Variants in ZFYVE28 observed in about 807,000 individuals in gnomAD.
ZFYVE28 encodes lateral signaling target protein 2 homolog.
Under a neutral mutation model 82.1 loss-of-function variants are expected in ZFYVE28, and 40 were observed. That is an observed-to-expected ratio of 0.49 (90% CI 0.38 to 0.63). ZFYVE28 has a LOEUF of 0.63. Among genes scored for constraint, ZFYVE28 ranks in the 30% least tolerant of loss-of-function variants. ZFYVE28 has a pLI of 0.00. For missense variants in ZFYVE28, 1,321 were observed against 1,242.1 expected (o/e 1.06, Z -0.96); for synonymous variants, 612 against 546.1 (o/e 1.12, Z -1.68).
intron 1 of ZFYVE28, among the ~76,000 whole-genome samples, chr4:2,393,109 G>A (rs1422963646): frequency 6.6e-6 from 1 of 152,174 alleles, no homozygotes; most frequent in Admixed American, 6.5e-5. Context: ...TATTGATCAT[G>A]GCCAGTCAAT....
chr4:2,307,616 G>A (rs914977875), intron 7 of ZFYVE28, among the ~76,000 whole-genome samples: 1 of 151,904 alleles, frequency 6.6e-6, no homozygotes, highest in Non-Finnish European at 1.5e-5. Context: ...CTGAGCAGCT[G>A]GTACTACAGG....
chr4:2,405,441 G>A (rs1452026332), intron 1 of ZFYVE28, among the ~76,000 whole-genome samples: 1 of 152,280 alleles, frequency 6.6e-6, no homozygotes, highest in Admixed American at 6.5e-5. Flanking sequence ...CAGATCGACT[G>A]TGCTGATGGT....
intron 8 of ZFYVE28, among the ~76,000 whole-genome samples, chr4:2,296,965 G>A (rs562111410): frequency 9.2e-5 from 14 of 152,310 alleles, no homozygotes; most frequent in African/African-American, 2.2e-4. Context: ...CCCTGACTGC[G>A]CTGCAGGGAG....
intron 2 of ZFYVE28, among the ~76,000 whole-genome samples, chr4:2,343,900 C>G (rs573402648): frequency 6.6e-6 from 1 of 152,208 alleles, no homozygotes; most frequent in East Asian, 1.9e-4. Flanking sequence ...GTGCCTAGAA[C>G]AGTGCCTCAC....
At position 2,320,132 on chromosome 4, in the gene ZFYVE28, C is replaced by A; in HGVS notation, c.803+38G>T. 1 of 1,578,076 alleles carries A rather than the reference C, an allele frequency of 6.3e-7. No individual in the cohort carries two copies. Among genetic ancestry groups the A allele is most frequent in the Non-Finnish European group, 8.7e-7 (1 of 1,148,916 alleles). ...AGCGCCCACCTGTGGCCCTCCTGTC[C>A]CCCTCCCCTCCCCCACCTCCTCTAG... On this transcript the variant is annotated intron_variant, in intron 7 of 12. Coordinates refer to ENST00000290974, the MANE Select transcript of ZFYVE28 (RefSeq NM_020972.3). This position sits in a 1 kb window ranked among gnomAD's most constrained non-coding sequence, Gnocchi z 5.1.
At position 2,304,496 on chromosome 4, in the gene ZFYVE28, G is replaced by A. The variant is rs760192642; in HGVS notation, c.1844C>T (p.Pro615Leu). 5.0e-6 allele frequency: 8 copies of A among 1,612,816 alleles called. No homozygotes were observed. The highest frequency in any genetic ancestry group is 6.8e-6 in the Non-Finnish European group (8 of 1,179,622). ...RAPERQEEAP[P>L]PSEDASNGRE... ...CCCGTTGGAGGCATCTTCTGAGGGTGGGGGCGCCTCCTCCTGTCTCTCAGG... is the reference window on the plus strand; with the variant it reads ...CCCGTTGGAGGCATCTTCTGAGGGTAGGGGCGCCTCCTCCTGTCTCTCAGG... Residue 615 changes from proline to leucine, a missense_variant, in exon 8 of 13, where the codon CCA becomes CTA. Pro to Leu is a moderately conservative substitution (Grantham distance 98). Coordinates refer to ENST00000290974, the MANE Select transcript of ZFYVE28 (RefSeq NM_020972.3).
At chr4:2,323,860 A>G (rs909402912) in intron 6 of ZFYVE28, among the ~76,000 whole-genome samples, 1 of 152,010 alleles carries the variant, frequency 6.6e-6, no homozygotes, top group Non-Finnish European at 1.5e-5. Flanking sequence ...ATTTCCCTAC[A>G]AAGGACATGA....
In ZFYVE28 at chr4:2,416,968, G is replaced by T. The variant is rs1327382831; in HGVS notation, c.39+1317C>A. 1.3e-5 allele frequency among the ~76,000 whole-genome samples: 2 copies of T among 152,222 alleles called. No homozygotes were observed. Among genetic ancestry groups the T allele is most frequent in the African/African-American group, 4.8e-5 (2 of 41,470 alleles). ...GAGTGAGCCCTCAAACCTCCGTGCCGATCTTCCAAACCCACCTCCCGCCTT... is the reference window on the plus strand; with the variant it reads ...GAGTGAGCCCTCAAACCTCCGTGCCTATCTTCCAAACCCACCTCCCGCCTT... On this transcript the variant is annotated intron_variant, in intron 1 of 12. Coordinates refer to ENST00000290974, the MANE Select transcript of ZFYVE28 (RefSeq NM_020972.3). The surrounding 1 kb of genome is among the most constrained non-coding windows in gnomAD (Gnocchi z 4.6).
intron 7 of ZFYVE28, among the ~76,000 whole-genome samples, chr4:2,315,037 A>C (rs373230596): frequency 8.4e-4 from 128 of 152,182 alleles, no homozygotes; most frequent in African/African-American, 3.0e-3. Context: ...TGGCCTCCCA[A>C]AGTGCTGGGA....
At chr4:2,399,083 A>G (rs71614994) in intron 1 of ZFYVE28, among the ~76,000 whole-genome samples, 39,974 of 116,120 alleles carry the variant, frequency 0.34, 12,381 homozygotes, top group African/African-American at 0.43. Context: ...CACAAGCGTG[A>G]AGGTGAGATC....
At chr4:2,379,209 G>C (rs573337299) in intron 1 of ZFYVE28, among the ~76,000 whole-genome samples, 16 of 152,306 alleles carry the variant, frequency 1.1e-4, no homozygotes, top group East Asian at 9.6e-4. Context: ...GACCGCTCCA[G>C]GGAGAGACAG....
chr4:2,355,526 C>T (rs905811046), intron 1 of ZFYVE28, among the ~76,000 whole-genome samples: 7 of 151,306 alleles, frequency 4.6e-5, no homozygotes, highest in South Asian at 2.1e-4. Context: ...GTGATCCACC[C>T]GCCTCAGCCT....
intron 1 of ZFYVE28, chr4:2,364,917 A>AGGCGGG (rs941017720): frequency 1.4e-5 from 14 of 985,184 alleles, no homozygotes; most frequent in South Asian, 4.7e-5. Flanking sequence ...GGGACAGTGG[A>AGGCGGG]GGCGGGGGCG....
At chr4:2,312,611 C>G (rs1479049527) in intron 7 of ZFYVE28, among the ~76,000 whole-genome samples, 1 of 151,442 alleles carries the variant, frequency 6.6e-6, no homozygotes, top group Non-Finnish European at 1.5e-5. Flanking sequence ...GCCTGTAGTC[C>G]CAGCTACTCG....
intron 7 of ZFYVE28, among the ~76,000 whole-genome samples, chr4:2,308,709 G>T (rs867717655): frequency 1.1e-5 from 1 of 88,758 alleles, no homozygotes; most frequent in African/African-American, 4.3e-5. Flanking sequence ...AAAGAAAAAA[G>T]AAAAGAAAAG....
At chr4:2,375,624 C>A (rs1167378023) in intron 1 of ZFYVE28, among the ~76,000 whole-genome samples, 1 of 148,570 alleles carries the variant, frequency 6.7e-6, no homozygotes, top group Non-Finnish European at 1.5e-5. Flanking sequence ...CCTCCATGGA[C>A]CAGGAGGAGA....
intron 6 of ZFYVE28, chr4:2,330,687 A>C (rs900829174): frequency 1.4e-6 from 2 of 1,441,078 alleles, no homozygotes; most frequent in Non-Finnish European, 1.8e-6. Flanking sequence ...CATGGCCAAG[A>C]GGACACTGGA....
intron 1 of ZFYVE28, among the ~76,000 whole-genome samples, chr4:2,405,565 T>C (rs1731793745): frequency 6.6e-6 from 1 of 152,232 alleles, no homozygotes; most frequent in African/African-American, 2.4e-5. Context: ...GCCCAGGCTC[T>C]GAGATCTGCA....
chr4:2,317,924 C>T (rs111261363), intron 7 of ZFYVE28, among the ~76,000 whole-genome samples: 3,435 of 152,272 alleles, frequency 0.023, 124 homozygotes, highest in African/African-American at 0.079. Flanking sequence ...TGAGCCACCG[C>T]GCCGGCCTCA....
Sources: gnomAD v4.1 joint callset for allele counts (sites outside exome capture counted in the v4.1 genomes callset) on GRCh38, gnomAD v4.1.1 for gene constraint, Gnocchi (gnomAD v3.1) non-coding constraint, MANE v1.5 for transcripts, NCBI Gene and HGNC (gene_info 2026-07-23, HGNC 2026-07-21) for gene names.